Variants in USP53 observed in about 807,000 individuals in gnomAD.
USP53 encodes ubiquitin specific peptidase 53.
In USP53, 71 loss-of-function variants were observed where a neutral mutation model predicts 94.9. The ratio of observed to expected loss-of-function variants is 0.75; its 90% confidence interval spans 0.62 to 0.91. The LOEUF (loss-of-function observed/expected upper bound fraction) is 0.91. Ranked by LOEUF, USP53 falls within the 40% of genes least tolerant of loss-of-function variation. USP53 has a pLI of 0.00. For synonymous variants in USP53, 375 were observed against 422.7 expected (o/e 0.89, Z 1.39); for missense variants, 1,173 against 1,281.0 (o/e 0.92, Z 1.29).
At chr4:119,250,429 C>A (rs1330189736) in intron 7 of USP53, among the ~76,000 whole-genome samples, 1 of 152,148 alleles carries the variant, frequency 6.6e-6, no homozygotes, top group African/African-American at 2.4e-5. Context: ...ATGGAAAGCT[C>A]ATTGACTAGC....
rs757805331 is a variant in USP53 at position 119,271,907 on chromosome 4, A to G, written c.2047A>G (p.Arg683Gly). 2 of 1,614,194 alleles carry G rather than the reference A, an allele frequency of 1.2e-6. No individual in the cohort carries two copies. Among genetic ancestry groups the G allele is most frequent in the South Asian group, 2.2e-5 (2 of 91,088 alleles). ...GCATGGTGATAATTGGCAGATGCAAAGGACTGAGTCTGGATATGAAAGCAG... is the reference window on the plus strand; with the variant it reads ...GCATGGTGATAATTGGCAGATGCAAGGGACTGAGTCTGGATATGAAAGCAG... ...KVHGDNWQMQRTESGYESSDH... is the reference protein window; with the variant it reads ...KVHGDNWQMQGTESGYESSDH... The change falls in exon 16 of 19, where the codon AGG (arginine) becomes GGG (glycine). Residue 683 changes from arginine to glycine, a missense_variant. Coordinates refer to ENST00000692078, the MANE Select transcript of USP53 (RefSeq NM_001371395.1).
intron 14 of USP53, 74 bp from the exon 15 acceptor site, chr4:119,269,617 A>G (rs767884654): frequency 3.0e-5 from 31 of 1,031,022 alleles, no homozygotes; most frequent in Non-Finnish European, 3.9e-5. Context: ...ACATTTTTAT[A>G]TAGATCAATT....
chr4:119,286,994 T>C (rs1754185876), intron 17 of USP53, among the ~76,000 whole-genome samples: 1 of 151,958 alleles, frequency 6.6e-6, no homozygotes, highest in African/African-American at 2.4e-5. Flanking sequence ...GTGTTATGAG[T>C]ATAGCACTTA....
chr4:119,286,101 C>T (rs1754079926), intron 17 of USP53, among the ~76,000 whole-genome samples: 1 of 151,474 alleles, frequency 6.6e-6, no homozygotes, highest in Admixed American at 6.6e-5. Flanking sequence ...TAAATTTATC[C>T]ATAAATATTT....
chr4:119,234,450 T>A (rs1028574871), intron 3 of USP53, among the ~76,000 whole-genome samples: 2 of 152,212 alleles, frequency 1.3e-5, no homozygotes, highest in East Asian at 1.9e-4. Context: ...ATAATATTTT[T>A]AAATTATCTG....
In USP53 at chr4:119,253,919, ACAAAGTAT is replaced by A. The variant is rs547648676; in HGVS notation, c.373-2325_373-2318del. On this transcript the variant is annotated intron_variant, in intron 7 of 18. Coordinates refer to ENST00000692078, the MANE Select transcript of USP53 (RefSeq NM_001371395.1). ...CTCTTGAAAGGCAGGCCTGGTGGTGACAAAGTATCTCAGCATTTGCTTGTCTGTAAAGG... is the reference window on the plus strand; with the variant it reads ...CTCTTGAAAGGCAGGCCTGGTGGTGACTCAGCATTTGCTTGTCTGTAAAGG... Among the ~76,000 whole-genome samples, 58 of 152,310 alleles carry A rather than the reference ACAAAGTAT, an allele frequency of 3.8e-4. No homozygotes were observed. In the East Asian group the frequency reaches 8.9e-3, roughly 23 times the overall value.
At chr4:119,232,017 A>G (rs1335650115) in intron 3 of USP53, among the ~76,000 whole-genome samples, 1 of 152,158 alleles carries the variant, frequency 6.6e-6, no homozygotes, top group Admixed American at 6.5e-5. Context: ...AAGCCTCCCC[A>G]AATCTTGAAC....
intron 3 of USP53, among the ~76,000 whole-genome samples, chr4:119,234,250 C>A (rs1746436657): frequency 6.6e-6 from 1 of 152,176 alleles, no homozygotes; most frequent in South Asian, 2.1e-4. Context: ...ACAACTAGGT[C>A]TTTTCCATTT....
chr4:119,260,510 A>G lies in USP53; in HGVS notation c.679A>G (p.Asn227Asp), dbSNP rs1224041520. 1.9e-6 allele frequency: 3 copies of G among 1,613,504 alleles called. No individual in the cohort carries two copies. Among genetic ancestry groups the G allele is most frequent in the Non-Finnish European group, 2.5e-6 (3 of 1,179,646 alleles). Reference protein sequence around the residue: ...TTDDYRKCPSNCGQKIKIRRV... With the variant: ...TTDDYRKCPSDCGQKIKIRRV... Reference sequence around the variant, plus strand: ...AAACTTTTATGTTTTTCTGTAGAGTAACTGTGGCCAAAAAATAAAAATTCG... The same window carrying G: ...AAACTTTTATGTTTTTCTGTAGAGTGACTGTGGCCAAAAAATAAAAATTCG... The change falls in exon 11 of 19, where the codon AAC (asparagine) becomes GAC (aspartate). Residue 227 changes from asparagine to aspartate, a missense_variant. Transcript: ENST00000692078.
At chr4:119,237,630 G>A (rs1192927194) in intron 4 of USP53, among the ~76,000 whole-genome samples, 9 of 151,764 alleles carry the variant, frequency 5.9e-5, no homozygotes. Flanking sequence ...GACTGTGAAT[G>A]TCCTAGATGG....
rs1751912007 is a variant in USP53, at chr4:119,271,837, T to G, written c.1977T>G (p.Asn659Lys). Residue 659 changes from asparagine to lysine, a missense_variant, in exon 16 of 19, where the codon AAT becomes AAG. By Grantham distance (94) the Asn-to-Lys change is moderately conservative. Transcript: ENST00000692078. Reference protein sequence around the residue: ...EIGSRSSLESNGKGAEKNKGL... With the variant: ...EIGSRSSLESKGKGAEKNKGL... ...GAAGCAGAAGTTCCCTTGAATCTAA[T>G]GGAAAAGGAGCAGAGAAAAATAAAG... 2 of 1,612,750 alleles carry G rather than the reference T, an allele frequency of 1.2e-6. No homozygotes were observed. The highest frequency in any genetic ancestry group is 3.3e-5 in the Admixed American group (2 of 59,706).
intron 5 of USP53, among the ~76,000 whole-genome samples, chr4:119,243,512 AAAAAT>A: frequency 6.6e-6 from 1 of 152,160 alleles, no homozygotes; most frequent in East Asian, 1.9e-4. Flanking sequence ...ATAAATAAAT[AAAAAT>A]AAAATAAAAT....
chr4:119,278,093 C>T (rs1029357121), intron 17 of USP53, among the ~76,000 whole-genome samples: 2 of 150,204 alleles, frequency 1.3e-5, no homozygotes, highest in African/African-American at 4.9e-5. Context: ...GAATTTAGTC[C>T]ATTTACATTT....
In USP53 at chr4:119,271,296, A is replaced by T. The variant is rs1309832722; in HGVS notation, c.1436A>T (p.Asp479Val). The change falls in exon 16 of 19, where the codon GAT (aspartate) becomes GTT (valine). Residue 479 changes from aspartate (D) to valine (V), a missense_variant and splice_region_variant. Asp to Val is a radical substitution (Grantham distance 152). Transcript: ENST00000692078. ...GQRKDLGRHR[D>V]LVDEDLSHFQ... ...TGTATCTTTAATTTTTTTTTTTAAG[A>T]TTTGGTTGATGAAGACCTTTCACAT... 5.2e-6 allele frequency: 8 copies of T among 1,531,284 alleles called. No individual in the cohort carries two copies. Among genetic ancestry groups the T allele is most frequent in the Non-Finnish European group, 5.2e-6 (6 of 1,144,706 alleles). The allele number at this position is 1,531,284 out of a possible 1,614,324, so 94.9% of individuals were successfully genotyped here.
chr4:119,256,038 AAAC>A (rs143015797), intron 7 of USP53, among the ~76,000 whole-genome samples: 9,411 of 152,218 alleles, frequency 0.062, 965 homozygotes, highest in African/African-American at 0.22. Context: ...TTGTTTAATT[AAAC>A]AACATTTTCT....
intron 3 of USP53, among the ~76,000 whole-genome samples, chr4:119,228,449 G>C (rs1745618772): frequency 6.6e-6 from 1 of 152,134 alleles, no homozygotes; most frequent in South Asian, 2.1e-4. Flanking sequence ...GGCCCAACCA[G>C]ATAATCGCCA....
intron 12 of USP53, 21 bp from the exon 13 acceptor site, chr4:119,267,299 T>A: frequency 6.2e-7 from 1 of 1,609,290 alleles, no homozygotes; most frequent in Non-Finnish European, 8.5e-7. Flanking sequence ...TTTGTCTTTA[T>A]TCATTGTGTT....
chr4:119,272,305 A>G (rs1006409519), intron 16 of USP53: 43 of 276,926 alleles, frequency 1.6e-4, no homozygotes, highest in Non-Finnish European at 2.4e-4. Context: ...GAAAATTTGG[A>G]AAGTACAGAA....
chr4:119,258,046 G>A (rs1018870869), intron 9 of USP53, among the ~76,000 whole-genome samples: 25 of 152,268 alleles, frequency 1.6e-4, no homozygotes, highest in African/African-American at 6.0e-4. Flanking sequence ...GGTAATCAGT[G>A]TTGAATACCA....
Sources: gnomAD v4.1 joint callset for allele counts (sites outside exome capture counted in the v4.1 genomes callset) on GRCh38, gnomAD v4.1.1 for gene constraint, MANE v1.5 for transcripts, NCBI Gene and HGNC (gene_info 2026-07-23, HGNC 2026-07-21) for gene names.